Variants in LRCH1 observed in about 807,000 individuals in gnomAD.
LRCH1 encodes leucine-rich repeat and calponin homology domain-containing protein 1.
In LRCH1, 23 loss-of-function variants were observed where a neutral mutation model predicts 94.9. That is an observed-to-expected ratio of 0.24 (90% CI 0.17 to 0.34). LRCH1 has a LOEUF of 0.34. Among genes scored for constraint, LRCH1 ranks in the 10% least tolerant of loss-of-function variants. LRCH1 has a pLI of 1.00. For missense variants in LRCH1, 790 were observed against 945.9 expected, an observed-to-expected ratio of 0.84 and a Z score of 2.16; for synonymous variants, 364 against 354.9, an observed-to-expected ratio of 1.03 and a Z score of -0.29.
chr13:46,674,306 G>T (rs971732079), intron 3 of LRCH1, among the ~76,000 whole-genome samples: 1 of 152,122 alleles, frequency 6.6e-6, no homozygotes, highest in African/African-American at 2.4e-5. Context: ...TTCAGTCACT[G>T]CCTTGTCCTG....
In LRCH1 at chr13:46,553,428, T is replaced by G. The variant is rs1438984548; in HGVS notation, c.32T>G (p.Phe11Cys). 5 of 1,547,084 alleles carry G rather than the reference T, an allele frequency of 3.2e-6. No individual in the cohort carries two copies. Among genetic ancestry groups the G allele is most frequent in the Non-Finnish European group, 3.5e-6 (4 of 1,146,050 alleles). The change falls in exon 1 of 20, where the codon TTC becomes TGC. Residue 11 changes from phenylalanine to cysteine, a missense_variant. Phe to Cys is a radical substitution (Grantham distance 205). Coordinates refer to ENST00000389797, the MANE Select transcript of LRCH1 (RefSeq NM_001164211.2). MATPGSEPQP[F>C]VPALSVATLH... ...ACGCCGGGAAGCGAACCCCAACCTT[T>G]CGTCCCGGCCCTTTCGGTAGCTACT...
intron 1 of LRCH1, among the ~76,000 whole-genome samples, chr13:46,624,453 C>G (rs1234492560): frequency 6.6e-6 from 1 of 152,194 alleles, no homozygotes; most frequent in African/African-American, 2.4e-5. Flanking sequence ...TAACCCATCC[C>G]TACTCATTAA....
rs142283626 is a variant in LRCH1 at position 46,701,910 on chromosome 13, C to T, written c.1400+703C>T. Among the ~76,000 whole-genome samples, 20 of 152,302 alleles carry T rather than the reference C, an allele frequency of 1.3e-4. No homozygotes were observed. The East Asian group carries it at 3.9e-3, about 29-fold the overall frequency. ...ATATGATGAACACGGGAATCACACGCAGCAATCCTAGCTGGGTTCTGCAAA... is the reference window on the plus strand; with the variant it reads ...ATATGATGAACACGGGAATCACACGTAGCAATCCTAGCTGGGTTCTGCAAA... On this transcript the variant is annotated intron_variant, in intron 11 of 19. Transcript: ENST00000389797.
chr13:46,629,615 C>T (rs2050995124), intron 1 of LRCH1, among the ~76,000 whole-genome samples: 1 of 152,132 alleles, frequency 6.6e-6, no homozygotes, highest in Non-Finnish European at 1.5e-5. Flanking sequence ...CTCTGTGGTT[C>T]TGCTGCTGGG....
At chr13:46,689,849 A>G (rs941538620) in intron 7 of LRCH1, among the ~76,000 whole-genome samples, 2 of 152,148 alleles carry the variant, frequency 1.3e-5, no homozygotes, top group Non-Finnish European at 2.9e-5. Context: ...CATGTAGTCT[A>G]TTAGAGTCCC....
chr13:46,641,617 A>G (rs540307529), intron 1 of LRCH1, among the ~76,000 whole-genome samples: 186 of 152,288 alleles, frequency 1.2e-3, no homozygotes, highest in African/African-American at 4.4e-3. Context: ...ACCATAAAAC[A>G]AGATGTTGCA....
chr13:46,727,393 G>T (rs1328346284), intron 17 of LRCH1, among the ~76,000 whole-genome samples: 1 of 152,238 alleles, frequency 6.6e-6, no homozygotes, highest in Non-Finnish European at 1.5e-5. Flanking sequence ...GGACCTGTGG[G>T]AGTGTAACAA....
chr13:46,707,944 G>T (rs181961021), intron 13 of LRCH1, among the ~76,000 whole-genome samples: 12 of 152,284 alleles, frequency 7.9e-5, no homozygotes, highest in East Asian at 5.8e-4. Flanking sequence ...TGATGATGCA[G>T]GATTTGAAGC....
chr13:46,568,620 A>G (rs1461940476), intron 1 of LRCH1, among the ~76,000 whole-genome samples: 3 of 152,246 alleles, frequency 2.0e-5, no homozygotes, highest in Non-Finnish European at 4.4e-5. Context: ...TAAAAATTAC[A>G]AAATATTGCA....
intron 9 of LRCH1, 120 bp from the exon 10 acceptor site, chr13:46,699,216 C>T: frequency 1.3e-6 from 1 of 743,744 alleles, no homozygotes; most frequent in South Asian, 1.6e-5. Context: ...GGCTGTTTGG[C>T]TTGTTTCCAG....
At chr13:46,652,743 A>G (rs1469220966) in intron 2 of LRCH1, among the ~76,000 whole-genome samples, 2 of 152,092 alleles carry the variant, frequency 1.3e-5, no homozygotes, top group Admixed American at 1.3e-4. Flanking sequence ...TGTGTGTGAC[A>G]TTTTCACTGC....
At chr13:46,656,676 C>T (rs1218335058) in intron 2 of LRCH1, among the ~76,000 whole-genome samples, 2 of 152,222 alleles carry the variant, frequency 1.3e-5, no homozygotes, top group South Asian at 2.1e-4. Context: ...TGCATACGCA[C>T]GGCCAACCAT....
intron 15 of LRCH1, 105 bp from the exon 16 acceptor site, chr13:46,715,455 C>T: frequency 1.5e-6 from 1 of 668,752 alleles, no homozygotes; most frequent in South Asian, 1.6e-5. Flanking sequence ...ATCCACTCTT[C>T]ATTTCCATGC....
At chr13:46,652,881 A>G (rs1408169109) in intron 2 of LRCH1, among the ~76,000 whole-genome samples, 1 of 152,254 alleles carries the variant, frequency 6.6e-6, no homozygotes, top group African/African-American at 2.4e-5. Flanking sequence ...TTAAAATGCT[A>G]ATCACACTAA....
At chr13:46,587,939 A>G (rs946242293) in intron 1 of LRCH1, among the ~76,000 whole-genome samples, 1 of 152,204 alleles carries the variant, frequency 6.6e-6, no homozygotes, top group Admixed American at 6.5e-5. Context: ...TCATTGTGGT[A>G]CCATAGAGTA....
intron 3 of LRCH1, among the ~76,000 whole-genome samples, chr13:46,678,097 GT>G (rs1299408758): frequency 1.3e-5 from 2 of 152,106 alleles, no homozygotes; most frequent in African/African-American, 4.8e-5. Context: ...CATTAGTGTT[GT>G]TTTTATTTAC....
chr13:46,722,607 C>T (rs1187886525), intron 16 of LRCH1, among the ~76,000 whole-genome samples: 2 of 152,176 alleles, frequency 1.3e-5, no homozygotes, highest in Non-Finnish European at 2.9e-5. Context: ...GCCATGAGCC[C>T]TTCAGCTACT....
At chr13:46,578,446 G>C (rs575870553) in intron 1 of LRCH1, among the ~76,000 whole-genome samples, 2 of 152,202 alleles carry the variant, frequency 1.3e-5, no homozygotes, top group Non-Finnish European at 2.9e-5. Flanking sequence ...TTAAAATTCG[G>C]AGGAAAATAT....
chr13:46,744,207 G>C lies in LRCH1; in HGVS notation c.*2359G>C. 1 of 985,406 alleles carries C rather than the reference G, an allele frequency of 1.0e-6. No homozygotes were observed. The highest frequency in any genetic ancestry group is 1.2e-6 in the Non-Finnish European group (1 of 829,934). The allele number at this position is 985,406 out of a possible 1,614,324, so 61.0% of individuals were successfully genotyped here. On this transcript the variant is annotated 3_prime_UTR_variant, in exon 20 of 20. Transcript: ENST00000389797. ...CTTGCAGCTTGACTGGGGATACCTG[G>C]CTGACCTCCTTAGAGTCTGAGAAGT...
Sources: allele counts gnomAD v4.1 joint callset (sites outside exome capture counted in the v4.1 genomes callset), GRCh38; gene constraint gnomAD v4.1.1; transcripts MANE v1.5; gene names NCBI Gene and HGNC (gene_info 2026-07-23, HGNC 2026-07-21).